The following MBP variants were observed in gnomAD, a reference collection of about 807,000 sequenced individuals.
MBP encodes Golli-MBP.
In MBP, 16 loss-of-function variants were observed where a neutral mutation model predicts 35.8. The observed-to-expected ratio is 0.45, with a 90% CI of 0.30 to 0.68. The LOEUF (loss-of-function observed/expected upper bound fraction) is 0.68, where lower values mean the gene tolerates loss of function less well. Among genes scored for constraint, MBP ranks in the 30% least tolerant of loss-of-function variants. The pLI is 0.08. For synonymous variants in MBP, 143 were observed against 159.6 expected (o/e 0.90, Z 0.78); for missense variants, 380 against 404.7 (o/e 0.94, Z 0.52).
Position 77,066,577 on chromosome 18 carries a change from C to T in MBP, c.52-192G>A, listed in dbSNP as rs777559382. On this transcript the variant is annotated intron_variant, in intron 2 of 8. Transcript: ENST00000355994. Reference sequence around the variant, plus strand: ...AGGATTCGGAATTCTGGCTTGTTTTCTCTGCCTAAGCACCTAAGCACTTTC... The same window carrying T: ...AGGATTCGGAATTCTGGCTTGTTTTTTCTGCCTAAGCACCTAAGCACTTTC... The T allele has an allele frequency of 5.3e-6, 4 of 757,076 alleles. No homozygotes were observed. The African/African-American group carries it at 6.8e-5, about 13-fold the overall frequency. The allele number at this position is 757,076 out of a possible 1,614,324, so 46.9% of individuals were successfully genotyped here.
intron 3 of MBP, among the ~76,000 whole-genome samples, chr18:77,051,098 A>G (rs771330893): frequency 3.1e-4 from 47 of 152,190 alleles, no homozygotes; most frequent in Non-Finnish European, 4.9e-4. Context: ...GTAACATAGC[A>G]TGTAAGATTC....
intron 3 of MBP, among the ~76,000 whole-genome samples, chr18:77,037,560 G>C (rs1468268763): frequency 6.6e-6 from 1 of 152,256 alleles, no homozygotes; most frequent in African/African-American, 2.4e-5. Context: ...CCGGAGGGCT[G>C]TCCAGGGAAG....
chr18:77,095,540 G>A (rs1036738960), intron 2 of MBP: 4 of 152,202 alleles, frequency 2.6e-5, no homozygotes, highest in African/African-American at 7.2e-5. Flanking sequence ...TGAGTGATCT[G>A]GCTTTCCTTT....
rs1404880847 is a variant in MBP, at chr18:76,980,182, G to A, written c.*245C>T. 3.9e-5 allele frequency: 25 copies of A among 634,638 alleles called. No homozygotes were observed. Among genetic ancestry groups the A allele is most frequent in the Admixed American group, 1.8e-4 (7 of 39,990 alleles). 39.3% of individuals were successfully genotyped at this position (634,638 alleles called of 1,614,324 possible). A position where few individuals can be genotyped will look rare whatever the true frequency, so the allele number is the denominator to read the frequency against. ...GTGCGTCTGGGGGCACATTGCGGGGGAAGGAACGTGATCTTCACACAGAAA... is the reference window on the plus strand; with the variant it reads ...GTGCGTCTGGGGGCACATTGCGGGGAAAGGAACGTGATCTTCACACAGAAA... On this transcript the variant is annotated 3_prime_UTR_variant, in exon 9 of 9. Transcript: ENST00000355994.
chr18:76,989,766 G>C lies in MBP; in HGVS notation c.681+190C>G. On this transcript the variant is annotated intron_variant, in intron 5 of 8. Coordinates refer to ENST00000355994, the MANE Select transcript of MBP (RefSeq NM_001025101.2). The surrounding 1 kb of genome is among the most constrained non-coding windows in gnomAD (Gnocchi z 4.0). ...GGAGCGCACGGTGCAATCCGTGGCAGATACAGTCGGGAAGCGCTTGCCTGG... is the reference window on the plus strand; with the variant it reads ...GGAGCGCACGGTGCAATCCGTGGCACATACAGTCGGGAAGCGCTTGCCTGG... The C allele has an allele frequency of 1.7e-6, 1 of 590,324 alleles. No homozygotes were observed. Among genetic ancestry groups the C allele is most frequent in the Admixed American group, 2.8e-5 (1 of 35,394 alleles). The allele number at this position is 590,324 out of a possible 1,614,324, so 36.6% of individuals were successfully genotyped here.
At chr18:76,981,260 T>C (rs985554302) in intron 8 of MBP, 1 of 152,200 alleles carries the variant, frequency 6.6e-6, no homozygotes, top group African/African-American at 2.4e-5. Context: ...TTATTCAAAG[T>C]TTAGTCTCTC....
At chr18:77,068,203 G>C (rs1000061231) in intron 2 of MBP, among the ~76,000 whole-genome samples, 4 of 152,190 alleles carry the variant, frequency 2.6e-5, no homozygotes, top group South Asian at 2.1e-4. Context: ...AAATTGAGGA[G>C]GGAAGAATTT....
intron 1 of MBP, among the ~76,000 whole-genome samples, chr18:77,119,715 G>A (rs763222095): frequency 2.6e-5 from 4 of 152,178 alleles, no homozygotes; most frequent in Non-Finnish European, 5.9e-5. Flanking sequence ...CCAGAAAACC[G>A]AAGCCTTGAT....
At chr18:77,011,366 G>A (rs553355200) in intron 4 of MBP, among the ~76,000 whole-genome samples, 2 of 152,180 alleles carry the variant, frequency 1.3e-5, no homozygotes, top group Non-Finnish European at 2.9e-5. Context: ...GCTATGTACA[G>A]GGCCAACAAG....
Position 77,057,976 on chromosome 18 carries a change from G to A in MBP, c.139+8322C>T, listed in dbSNP as rs571879949. Among the ~76,000 whole-genome samples the A allele has an allele frequency of 8.9e-4, 58 of 65,114 alleles. 19 individuals are homozygous for A. Among genetic ancestry groups the A allele is most frequent in the Admixed American group, 4.5e-3 (31 of 6,894 alleles). The allele number at this position is 65,114 out of a possible 152,430, so 42.7% of individuals were successfully genotyped here. A position where few individuals can be genotyped will look rare whatever the true frequency, so the allele number is the denominator to read the frequency against. On this transcript the variant is annotated intron_variant, in intron 3 of 8. Transcript: ENST00000355994. ...CGAGTAGCTGGGACTACAGGCGCCC[G>A]CCACTACGCCCGGCTAATTTTTTGT...
In MBP at chr18:76,989,768, TAC is replaced by T. The variant is rs1969783896; in HGVS notation, c.681+186_681+187del. ...AGCGCACGGTGCAATCCGTGGCAGATACAGTCGGGAAGCGCTTGCCTGGAACT... is the reference window on the plus strand; with the variant it reads ...AGCGCACGGTGCAATCCGTGGCAGATAGTCGGGAAGCGCTTGCCTGGAACT... On this transcript the variant is annotated intron_variant, in intron 5 of 8. Transcript: ENST00000355994. This position sits in a 1 kb window ranked among gnomAD's most constrained non-coding sequence, Gnocchi z 4.0. 3.4e-6 allele frequency: 2 copies of T among 590,640 alleles called. No individual in the cohort carries two copies. Among genetic ancestry groups the T allele is most frequent in the African/African-American group, 3.7e-5 (2 of 53,444 alleles). The allele number at this position is 590,640 out of a possible 1,614,324, so 36.6% of individuals were successfully genotyped here.
At chr18:77,072,618 C>T (rs991567910) in intron 2 of MBP, among the ~76,000 whole-genome samples, 7 of 152,234 alleles carry the variant, frequency 4.6e-5, no homozygotes, top group Non-Finnish European at 1.0e-4. Flanking sequence ...ATTGAAAATG[C>T]AGATCAGTAG....
Position 77,012,993 on chromosome 18 carries a change from A to G in MBP, c.576+3839T>C, listed in dbSNP as rs1174435685. On this transcript the variant is annotated intron_variant, in intron 4 of 8. Transcript: ENST00000355994. Reference sequence around the variant, plus strand: ...ACAGACACATCCAGTCTAATTAACTATCGTCTATTCATACAACAGCAACAA... The same window carrying G: ...ACAGACACATCCAGTCTAATTAACTGTCGTCTATTCATACAACAGCAACAA... 4 of 985,360 alleles carry G rather than the reference A, an allele frequency of 4.1e-6. No homozygotes were observed. The African/African-American group carries it at 7.0e-5, about 17-fold the overall frequency. 61.0% of individuals were successfully genotyped at this position (985,360 alleles called of 1,614,324 possible). A position where few individuals can be genotyped will look rare whatever the true frequency, so the allele number is the denominator to read the frequency against.
At chr18:77,049,012 C>T (rs1191168554) in intron 3 of MBP, among the ~76,000 whole-genome samples, 6 of 151,770 alleles carry the variant, frequency 4.0e-5, no homozygotes, top group Admixed American at 1.3e-4. Context: ...CTCCGCCTCC[C>T]GGGTTCAGGC....
At chr18:77,107,803 T>C (rs940119234) in intron 1 of MBP, among the ~76,000 whole-genome samples, 3 of 152,240 alleles carry the variant, frequency 2.0e-5, no homozygotes, top group African/African-American at 7.2e-5. Flanking sequence ...ATCAGACTTT[T>C]GAATACATCT....
chr18:77,120,379 G>T (rs754721844), intron 1 of MBP, among the ~76,000 whole-genome samples: 1 of 152,190 alleles, frequency 6.6e-6, no homozygotes, highest in African/African-American at 2.4e-5. Context: ...GGGCTGTGAC[G>T]CCCAGAGGCA....
chr18:77,070,898 C>T (rs1425950289), intron 2 of MBP, among the ~76,000 whole-genome samples: 3 of 152,334 alleles, frequency 2.0e-5, no homozygotes, highest in South Asian at 4.1e-4. Context: ...TTGAGGACCC[C>T]GCTCAGGTGC....
At position 77,027,860 on chromosome 18, in the gene MBP, A is replaced by AT. The variant is rs1299910508; in HGVS notation, c.140-10593dup. ...ATGAGACCATCGCAGCCAATTTTTA[A>AT]TTTTTTTTTGTAAAGACAAGGTCTT... is the stretch of plus-strand genomic sequence containing the variant. On this transcript the variant is annotated intron_variant, in intron 3 of 8. Coordinates refer to ENST00000355994, the MANE Select transcript of MBP (RefSeq NM_001025101.2). 3.3e-3 allele frequency among the ~76,000 whole-genome samples: 496 copies of AT among 151,212 alleles called. 1 individual carries two copies. The highest frequency in any genetic ancestry group is 5.3e-3 in the Non-Finnish European group (362 of 67,694).
chr18:77,035,153 G>A (rs1329789785), intron 3 of MBP, among the ~76,000 whole-genome samples: 1 of 152,158 alleles, frequency 6.6e-6, no homozygotes, highest in Non-Finnish European at 1.5e-5. Context: ...ACTTTGCCCA[G>A]GTTTCCTCTG....
Sources: allele counts gnomAD v4.1 joint callset (sites outside exome capture counted in the v4.1 genomes callset), GRCh38; gene constraint gnomAD v4.1.1; non-coding constraint Gnocchi (gnomAD v3.1); transcripts MANE v1.5; gene names NCBI Gene and HGNC (gene_info 2026-07-23, HGNC 2026-07-21).